ZNF678: variants seen among roughly 807,000 people sequenced by gnomAD.
ZNF678 encodes the protein hypothetical protein MGC42493.
In ZNF678, 5 loss-of-function variants were observed where a neutral mutation model predicts 3.0. That is an observed-to-expected ratio of 1.69 (90% CI 0.88 to 3.56). ZNF678 has a LOEUF of 3.56. Ranked by LOEUF, ZNF678 falls within the 30% of genes most tolerant of loss-of-function variation. The probability of loss-of-function intolerance (pLI) is 0.00; values close to 1 mark genes in which losing one functional copy is unlikely to be tolerated. For missense variants in ZNF678, 593 were observed against 605.0 expected (o/e 0.98, Z 0.21); for synonymous variants, 218 against 199.6 (o/e 1.09, Z -0.78).
At chr1:227,636,717 G>A (rs539097505) in intron 1 of ZNF678, among the ~76,000 whole-genome samples, 160 of 152,284 alleles carry the variant, frequency 1.1e-3, no homozygotes, top group Non-Finnish European at 1.6e-3. Flanking sequence ...TGTTTTGGAG[G>A]AAGGAGTAGC....
chr1:227,640,102 G>A (rs1171475912), intron 1 of ZNF678, among the ~76,000 whole-genome samples: 1 of 152,194 alleles, frequency 6.6e-6, no homozygotes, highest in African/African-American at 2.4e-5. Context: ...GAACCTGGAA[G>A]TGGTTCCTGC....
chr1:227,568,510 C>T (rs1656755917), intron 1 of ZNF678, among the ~76,000 whole-genome samples: 1 of 152,308 alleles, frequency 6.6e-6, no homozygotes, highest in South Asian at 2.1e-4. Context: ...CAATCACATG[C>T]ATTTACCAGG....
At chr1:227,612,499 C>T (rs79237624) in intron 1 of ZNF678, among the ~76,000 whole-genome samples, 1,644 of 152,094 alleles carry the variant, frequency 0.011, 34 homozygotes, top group African/African-American at 0.038. Flanking sequence ...TTTTATTCAC[C>T]GTGTCTAGAC....
chr1:227,591,170 C>T (rs1171110379), intron 1 of ZNF678, among the ~76,000 whole-genome samples: 2 of 151,762 alleles, frequency 1.3e-5, no homozygotes, highest in African/African-American at 4.9e-5. Context: ...AATACTGGCT[C>T]AGGAGAGCGT....
chr1:227,664,523 GCC>G (rs1659469973), downstream of ZNF678, among the ~76,000 whole-genome samples: 2 of 152,146 alleles, frequency 1.3e-5, no homozygotes, highest in African/African-American at 4.8e-5. Flanking sequence ...AACTTTGCAT[GCC>G]CCCTGCCAAA....
At chr1:227,570,051 A>G (rs75849223) in intron 1 of ZNF678, among the ~76,000 whole-genome samples, 2 of 152,050 alleles carry the variant, frequency 1.3e-5, no homozygotes, top group African/African-American at 4.8e-5. Flanking sequence ...TAGTGGGCTT[A>G]TTACCAGGAG....
chr1:227,594,234 A>T (rs1004995596), intron 1 of ZNF678, among the ~76,000 whole-genome samples: 1 of 152,160 alleles, frequency 6.6e-6, no homozygotes, highest in African/African-American at 2.4e-5. Context: ...TACATTTAAC[A>T]ATGCTTTTTG....
Position 227,668,948 on chromosome 1 carries a change from T to C in ZNF678, c.227-8231T>C, listed in dbSNP as rs1659554183. On this transcript the variant is annotated intron_variant, in intron 5 of 5. Transcript: ENST00000608949. ...AAGATTTAAATGTAAGATTGCAAAA[T>C]ATAAAAATCCTGAAAGCAAACCTAG... 2.6e-5 allele frequency among the ~76,000 whole-genome samples: 4 copies of C among 152,078 alleles called. No individual in the cohort carries two copies. In the South Asian group the frequency reaches 8.3e-4, roughly 31 times the overall value.
At chr1:227,650,484 A>G (rs1386301937) in intron 2 of ZNF678, among the ~76,000 whole-genome samples, 1 of 152,144 alleles carries the variant, frequency 6.6e-6, no homozygotes, top group Non-Finnish European at 1.5e-5. Flanking sequence ...TTGTAATGCT[A>G]TATAAATTTT....
intron 1 of ZNF678, among the ~76,000 whole-genome samples, chr1:227,604,915 G>A: frequency 6.6e-6 from 1 of 151,874 alleles, no homozygotes; most frequent in East Asian, 1.9e-4. Context: ...AAGTGCAGTG[G>A]TGCAATCTCC....
At chr1:227,607,182 TTG>T (rs1198795012) in intron 1 of ZNF678, among the ~76,000 whole-genome samples, 1 of 152,230 alleles carries the variant, frequency 6.6e-6, no homozygotes, top group African/African-American at 2.4e-5. Context: ...TGTCTAGAAT[TTG>T]TTTTTATAAT....
intron 1 of ZNF678, among the ~76,000 whole-genome samples, chr1:227,611,679 C>T (rs1658023990): frequency 6.6e-6 from 1 of 152,162 alleles, no homozygotes; most frequent in Admixed American, 6.5e-5. Flanking sequence ...TACTGCTTGA[C>T]TCATGGAGTC....
downstream of ZNF678, among the ~76,000 whole-genome samples, chr1:227,678,750 C>G (rs1659722198): frequency 6.6e-6 from 1 of 152,140 alleles, no homozygotes; most frequent in African/African-American, 2.4e-5. Flanking sequence ...TCTTTTAATC[C>G]CAATACATAT....
rs1389834764 is a variant in ZNF678 at position 227,659,533 on chromosome 1, G to A, written c.*3705G>A. 6.6e-6 allele frequency: 1 copy of A among 152,122 alleles called. No homozygotes were observed. Among genetic ancestry groups the A allele is most frequent in the East Asian group, 1.9e-4 (1 of 5,194 alleles). 9.4% of individuals were successfully genotyped at this position (152,122 alleles called of 1,614,324 possible). A position where few individuals can be genotyped will look rare whatever the true frequency, so the allele number is the denominator to read the frequency against. ...TCCCAAACTTAAAGTGAAAGCCATA[G>A]AGTCCTTTGGTGACTCCCATGTTCT... On this transcript the variant is annotated 3_prime_UTR_variant, in exon 4 of 4. Coordinates refer to ENST00000343776, the MANE Select transcript of ZNF678 (RefSeq NM_001367909.1).
chr1:227,636,370 T>C lies in ZNF678; in HGVS notation c.-163-10174T>C, dbSNP rs144983468. Among the ~76,000 whole-genome samples the C allele has an allele frequency of 4.7e-4, 72 of 152,352 alleles. 2 individuals are homozygous for C. The East Asian group carries it at 5.4e-3, about 11-fold the overall frequency. On this transcript the variant is annotated intron_variant, in intron 1 of 3. Transcript: ENST00000343776. ...TAAACTTACCACAGACTCCACCCTC[T>C]TCTTCTAATAAGTAGTTTAGTGCTA...
At position 227,566,896 on chromosome 1, in the gene ZNF678, T is replaced by G. The variant is rs188317627; in HGVS notation, c.-164+3172T>G. On this transcript the variant is annotated intron_variant, in intron 1 of 3. Transcript: ENST00000343776. ...TGATTTCAAACAGAATCTCAGGGCT[T>G]AAGTTTGGGAATTCTATCGGGGAGA... Among the ~76,000 whole-genome samples the G allele has an allele frequency of 3.4e-3, 514 of 152,300 alleles. 2 individuals are homozygous for G. The highest frequency in any genetic ancestry group is 0.011 in the African/African-American group (477 of 41,566).
intron 1 of ZNF678, among the ~76,000 whole-genome samples, chr1:227,615,376 G>A (rs1658118551): frequency 6.6e-6 from 1 of 152,150 alleles, no homozygotes; most frequent in South Asian, 2.1e-4. Flanking sequence ...TGGTACCTCA[G>A]TTGTATTTGG....
chr1:227,643,706 A>G lies in ZNF678; in HGVS notation c.-163-2838A>G, dbSNP rs1018787307. On this transcript the variant is annotated intron_variant, in intron 1 of 3. Transcript: ENST00000343776. ...CATTTTGCTCAGTAACCTGTTCTCT[A>G]TTTCCTCAGATTCAGTAGTTGCTCT... is the stretch of plus-strand genomic sequence containing the variant. Among the ~76,000 whole-genome samples the G allele has an allele frequency of 8.5e-5, 13 of 152,060 alleles. 1 individual carries two copies. The South Asian group carries it at 1.2e-3, about 15-fold the overall frequency.
intron 1 of ZNF678, among the ~76,000 whole-genome samples, chr1:227,621,818 C>T (rs769174655): frequency 2.6e-5 from 4 of 152,010 alleles, no homozygotes; most frequent in Admixed American, 6.5e-5. Flanking sequence ...GTTAGATATG[C>T]CTCATTATAG....
Sources: allele counts gnomAD v4.1 joint callset (sites outside exome capture counted in the v4.1 genomes callset), GRCh38; gene constraint gnomAD v4.1.1; transcripts MANE v1.5; gene names NCBI Gene and HGNC (gene_info 2026-07-23, HGNC 2026-07-21).